Variants in RPS6KB2 observed in about 807,000 individuals in gnomAD.
RPS6KB2 encodes ribosomal protein S6 kinase B2.
A neutral mutation model predicts 58.2 loss-of-function variants in RPS6KB2; 51 were observed. The ratio of observed to expected loss-of-function variants is 0.88; its 90% CI spans 0.70 to 1.11. The LOEUF (loss-of-function observed/expected upper bound fraction) is 1.11, where lower values mean the gene tolerates loss of function less well. RPS6KB2 is among the 50% of genes least tolerant of loss of function. The pLI is 0.00. For synonymous variants in RPS6KB2, 293 were observed against 258.6 expected (o/e 1.13, Z -1.28); for missense variants, 671 against 655.8 (o/e 1.02, Z -0.25).
rs1590972343 is a variant in RPS6KB2, at chr11:67,431,299, G to A, written c.310-69G>A. 4.2e-5 allele frequency: 64 copies of A among 1,511,552 alleles called. No individual in the cohort carries two copies. In the South Asian group the frequency reaches 6.8e-4, roughly 16 times the overall value. The allele number at this position is 1,511,552 out of a possible 1,614,324, so 93.6% of individuals were successfully genotyped here. Reference sequence around the variant, plus strand: ...CCTGCCTTGGCCTCCTAGAGTGCTGGGATTACAGGTGTGAGCCACTGTGCC... The same window carrying A: ...CCTGCCTTGGCCTCCTAGAGTGCTGAGATTACAGGTGTGAGCCACTGTGCC... On this transcript the variant is annotated intron_variant, in intron 4 of 14. Transcript: ENST00000312629.
In RPS6KB2 at chr11:67,428,554, C is replaced by T. The variant is rs760321250; in HGVS notation, c.9C>T (p.Ala3=). ...GCGGGGCCGGCGCCGCCATGGCGGC[C>T]GTGTTTGATTTGGATTTGGAGACGG... MA[A]VFDLDLETEE... is the part of the protein sequence containing the mutation. The change falls in exon 1 of 15, where the codon GCC becomes GCT. Residue 3 remains alanine (A), a synonymous_variant. Transcript: ENST00000312629. 5.6e-6 allele frequency: 9 copies of T among 1,609,038 alleles called. No homozygotes were observed. Among genetic ancestry groups the T allele is most frequent in the South Asian group, 2.2e-5 (2 of 90,824 alleles).
intron 3 of RPS6KB2, 98 bp from the exon 4 acceptor site, chr11:67,429,418 CCCTTGGCAGGG>C: frequency 7.3e-7 from 1 of 1,373,178 alleles, no homozygotes; most frequent in East Asian, 2.3e-5. Flanking sequence ...CACTGCCCCA[CCCTTGGCAGGG>C]CCTAGGCCTC....
At position 67,434,379 on chromosome 11, in the gene RPS6KB2, GT is replaced by G; in HGVS notation, c.1051del (p.Ser351GlnfsTer5). 8 of 1,613,052 alleles carry G rather than the reference GT, an allele frequency of 5.0e-6. No homozygotes were observed. Among genetic ancestry groups the G allele is most frequent in the Non-Finnish European group, 6.8e-6 (8 of 1,179,830 alleles). On this transcript the variant is annotated frameshift_variant, in exon 13 of 15. Coordinates refer to ENST00000312629, the MANE Select transcript of RPS6KB2 (RefSeq NM_003952.3). LOFTEE classifies it high-confidence loss of function. ...TCCCCACTCTGGTCGGCCCACAGCA[GT>G]CAGAGGAGGACGTGAGCCAGTTTGA... ...VDPPFRPCLQ[S>X]EEDVSQFDTR...
At position 67,429,135 on chromosome 11, in the gene RPS6KB2, T is replaced by C. The variant is rs757772646; in HGVS notation, c.135T>C (p.Tyr45=). The C allele has an allele frequency of 1.2e-6, 2 of 1,613,826 alleles. No individual in the cohort carries two copies. Among genetic ancestry groups the C allele is most frequent in the East Asian group, 4.5e-5 (2 of 44,894 alleles). Residue 45 remains tyrosine (Y), a synonymous_variant, in exon 3 of 15, where the codon TAT becomes TAC. Coordinates refer to ENST00000312629, the MANE Select transcript of RPS6KB2 (RefSeq NM_003952.3). The stretch of plus-strand genomic sequence containing the variant: ...GTGTCCGTAGGCCTGTGGGACACTA[T>C]GAAGAGGTGGAGCTGACTGAGACCA... ...RAAGLEPVGH[Y]EEVELTETSV... is the part of the protein sequence containing the mutation.
rs1186251572 is a variant in RPS6KB2 at position 67,434,579 on chromosome 11, C to G, written c.1156-3C>G. Reference sequence around the variant, plus strand: ...GTCGCATGGCCCTGCCTCCGCCCCCCAGGGCTTCACATACGTGGCGCCGTC... The same window carrying G: ...GTCGCATGGCCCTGCCTCCGCCCCCGAGGGCTTCACATACGTGGCGCCGTC... On this transcript the variant is annotated splice_polypyrimidine_tract_variant and splice_region_variant and intron_variant, in intron 13 of 14. Coordinates refer to ENST00000312629, the MANE Select transcript of RPS6KB2 (RefSeq NM_003952.3). The G allele has an allele frequency of 6.2e-7, 1 of 1,603,364 alleles. No individual in the cohort carries two copies. Among genetic ancestry groups the G allele is most frequent in the Admixed American group, 1.7e-5 (1 of 58,920 alleles).
intron 9 of RPS6KB2, 32 bp from the exon 10 acceptor site, chr11:67,433,308 A>C (rs371223143): frequency 1.8e-4 from 281 of 1,605,120 alleles, no homozygotes; most frequent in Non-Finnish European, 2.3e-4. Flanking sequence ...TGGGAGGCCC[A>C]CAAGGCTCCT....
At chr11:67,433,539 C>A (rs1864122407) in intron 10 of RPS6KB2, 92 bp downstream of exon 10, 1 of 947,322 alleles carries the variant, frequency 1.1e-6, no homozygotes, top group Non-Finnish European at 1.7e-6. Context: ...CAGGGCCACC[C>A]CGGCCTGTGC....
intron 10 of RPS6KB2, 129 bp downstream of exon 10, chr11:67,433,576 C>G: frequency 1.4e-6 from 1 of 712,414 alleles, no homozygotes; most frequent in East Asian, 2.7e-5. Context: ...TGAAAGGAGC[C>G]CCTCCCTTGA....
intron 1 of RPS6KB2, 71 bp downstream of exon 1, chr11:67,428,694 G>A: frequency 1.4e-6 from 2 of 1,427,836 alleles, no homozygotes; most frequent in Non-Finnish European, 1.9e-6. Flanking sequence ...CGGAGCGGCG[G>A]CTCCGCACGC....
rs1191385881 is a variant in RPS6KB2, at chr11:67,434,215, G to A, written c.987G>A (p.Arg329=). 6.2e-7 allele frequency: 1 copy of A among 1,613,988 alleles called. No individual in the cohort carries two copies. Among genetic ancestry groups the A allele is most frequent in the Admixed American group, 1.7e-5 (1 of 60,034 alleles). The part of the protein sequence containing the change: ...AADVQRHPFF[R]HMNWDDLLAW... ...ACCTACAGAGACATCCCTTTTTCCGGCACATGAATTGGGACGACCTTCTGG... is the reference window on the plus strand; with the variant it reads ...ACCTACAGAGACATCCCTTTTTCCGACACATGAATTGGGACGACCTTCTGG... The change falls in exon 12 of 15, where the codon CGG becomes CGA. Residue 329 remains arginine, a synonymous_variant. Transcript: ENST00000312629.
At chr11:67,431,588 G>C in intron 5 of RPS6KB2, 73 bp downstream of exon 5, 1 of 1,516,984 alleles carries the variant, frequency 6.6e-7, no homozygotes, top group Non-Finnish European at 9.0e-7. Context: ...AAGCTCTGGG[G>C]GGAAGCTCTT....
intron 5 of RPS6KB2, 131 bp from the exon 6 acceptor site, chr11:67,432,469 C>G: frequency 1.1e-6 from 1 of 934,364 alleles, no homozygotes; most frequent in Non-Finnish European, 1.7e-6. Context: ...TGAATTGAAT[C>G]CCCACGGCAG....
chr11:67,434,148 G>C, intron 11 of RPS6KB2, 50 bp from the exon 12 acceptor site: 1 of 1,612,224 alleles, frequency 6.2e-7, no homozygotes, highest in Non-Finnish European at 8.5e-7. Flanking sequence ...AGTGACCGGG[G>C]GGCAAGCAGG....
In RPS6KB2 at chr11:67,429,219, G is replaced by A; in HGVS notation, c.219G>A (p.Leu73=). 6.2e-7 allele frequency: 1 copy of A among 1,613,492 alleles called. No individual in the cohort carries two copies. Among genetic ancestry groups the A allele is most frequent in the Non-Finnish European group, 8.5e-7 (1 of 1,180,020 alleles). Residue 73 remains leucine (L), a synonymous_variant, in exon 3 of 15, where the codon CTG becomes CTA. Coordinates refer to ENST00000312629, the MANE Select transcript of RPS6KB2 (RefSeq NM_003952.3). ...GPHCFELLRV[L]GKGGYGKVFQ... is the part of the protein sequence containing the mutation. ...ACTGCTTTGAGCTGCTGCGTGTGCT[G>A]GGCAAGGGGGGCTATGGCAAGGTAG...
intron 14 of RPS6KB2, 102 bp from the exon 15 acceptor site, chr11:67,434,887 T>G: frequency 8.2e-7 from 1 of 1,217,810 alleles, no homozygotes; most frequent in Non-Finnish European, 1.2e-6. Context: ...GCCCGCGGCC[T>G]GTGTGCCTGG....
intron 5 of RPS6KB2, chr11:67,432,175 G>T (rs943151800): frequency 1.0e-5 from 4 of 391,190 alleles, no homozygotes; most frequent in Non-Finnish European, 2.0e-5. Context: ...CTCTGCATTC[G>T]CTCCGTCCAT....
chr11:67,428,850 C>T, intron 1 of RPS6KB2, 132 bp from the exon 2 acceptor site: 2 of 1,151,402 alleles, frequency 1.7e-6, no homozygotes, highest in Non-Finnish European at 2.6e-6. Flanking sequence ...CGGTTTCTTC[C>T]CAATTCTTAC....
At position 67,431,528 on chromosome 11, in the gene RPS6KB2, GC is replaced by G. The variant is rs780841046; in HGVS notation, c.457+16del. ...GAGTGCCTCAGTGGTATGAGTGCGGGCCCAGGCAGGGGTGCTGGGGGTCGCG... is the reference window on the plus strand; with the variant it reads ...GAGTGCCTCAGTGGTATGAGTGCGGGCCAGGCAGGGGTGCTGGGGGTCGCG... On this transcript the variant is annotated intron_variant, in intron 5 of 14. Transcript: ENST00000312629. 6.2e-7 allele frequency: 1 copy of G among 1,612,882 alleles called. No homozygotes were observed. Among genetic ancestry groups the G allele is most frequent in the East Asian group, 2.2e-5 (1 of 44,844 alleles).
chr11:67,428,796 T>G, intron 1 of RPS6KB2, 173 bp downstream of exon 1: 1 of 920,146 alleles, frequency 1.1e-6, no homozygotes, highest in Non-Finnish European at 1.7e-6. Context: ...CGACCTCTCT[T>G]CCAGAACCCC....
Sources: allele counts gnomAD v4.1 joint callset, GRCh38; gene constraint gnomAD v4.1.1; transcripts MANE v1.5; gene names NCBI Gene and HGNC (gene_info 2026-07-23, HGNC 2026-07-21).